Variants in JMY observed in about 807,000 individuals in gnomAD.
JMY encodes the protein junction-mediating and -regulatory protein.
In JMY, 46 loss-of-function variants were observed where a neutral mutation model predicts 103.3. That is an observed-to-expected ratio of 0.45 (90% CI 0.35 to 0.57). The LOEUF (loss-of-function observed/expected upper bound fraction) is 0.57. JMY is among the 20% of genes least tolerant of loss of function. JMY has a pLI of 0.00. For missense variants in JMY, 1,238 were observed against 1,255.2 expected, an observed-to-expected ratio of 0.99 and a Z score of 0.21; for synonymous variants, 526 against 489.3, an observed-to-expected ratio of 1.07 and a Z score of -0.99.
chr5:79,259,678 A>G (rs970436799), intron 1 of JMY, among the ~76,000 whole-genome samples: 2 of 152,178 alleles, frequency 1.3e-5, no homozygotes, highest in Non-Finnish European at 2.9e-5. Context: ...GTGTGTCAGC[A>G]CTGCCCCCGA....
chr5:79,246,406 G>C, intron 1 of JMY, among the ~76,000 whole-genome samples: 1 of 152,134 alleles, frequency 6.6e-6, no homozygotes, highest in East Asian at 1.9e-4. Context: ...ACTTTACAAA[G>C]ATCTTTGTGT....
Position 79,237,077 on chromosome 5 carries a change from C to A in JMY, c.427C>A (p.Pro143Thr), listed in dbSNP as rs779511301. The A allele has an allele frequency of 3.2e-6, 5 of 1,541,156 alleles. No individual in the cohort carries two copies. In the South Asian group the frequency reaches 3.6e-5, roughly 11 times the overall value. The stretch of plus-strand genomic sequence containing the variant: ...AGGGGCGGAGAGTCGTCTTAGGAGC[C>A]CAGTGCGGGCCAAACCCATCCCGGG... Reference protein sequence around the residue: ...SKGAESRLRSPVRAKPIPGQK... With the variant: ...SKGAESRLRSTVRAKPIPGQK... Residue 143 changes from proline to threonine, a missense_variant, in exon 1 of 11, where the codon CCA becomes ACA. Physicochemically the swap from Pro to Thr is conservative, Grantham distance 38. Transcript: ENST00000396137.
At chr5:79,314,153 C>T (rs1747133560) in intron 8 of JMY, 104 bp from the exon 9 acceptor site, 4 of 1,494,898 alleles carry the variant, frequency 2.7e-6, no homozygotes, top group Non-Finnish European at 3.5e-6. Flanking sequence ...GCCACCACAC[C>T]CGGCCACATA....
chr5:79,259,122 C>A (rs1745341731), intron 1 of JMY, among the ~76,000 whole-genome samples: 1 of 152,050 alleles, frequency 6.6e-6, no homozygotes, highest in African/African-American at 2.4e-5. Context: ...GCTGGTTGTC[C>A]CATCATTTCT....
intron 10 of JMY, among the ~76,000 whole-genome samples, chr5:79,318,804 G>GAGAGAGAGAGAGAGA (rs1580377765): frequency 1.9e-4 from 3 of 15,612 alleles, no homozygotes; most frequent in African/African-American, 1.0e-3. Flanking sequence ...AGAGAGAGAG[G>GAGAGAGAGAGAGAGA]GATGCATATC....
chr5:79,239,383 C>T (rs1042343663), intron 1 of JMY, among the ~76,000 whole-genome samples: 1 of 152,170 alleles, frequency 6.6e-6, no homozygotes, highest in Non-Finnish European at 1.5e-5. Context: ...CTGTATTTCT[C>T]TTAAACTGCA....
chr5:79,280,305 G>A (rs1412600681), intron 2 of JMY, among the ~76,000 whole-genome samples: 3 of 152,098 alleles, frequency 2.0e-5, no homozygotes, highest in Admixed American at 2.0e-4. Context: ...TCCAGAATCT[G>A]TACACATTCT....
chr5:79,255,228 C>G (rs1224304974), intron 1 of JMY, among the ~76,000 whole-genome samples: 1 of 151,700 alleles, frequency 6.6e-6, no homozygotes, highest in African/African-American at 2.4e-5. Context: ...TCCTGAGTAC[C>G]TGGGATTACA....
At chr5:79,319,012 A>G (rs759967014) in intron 10 of JMY, among the ~76,000 whole-genome samples, 1 of 152,178 alleles carries the variant, frequency 6.6e-6, no homozygotes, top group Non-Finnish European at 1.5e-5. Flanking sequence ...GGACCTTCAC[A>G]TAAATGTGTG....
At chr5:79,317,059 G>A (rs1052226272) in intron 10 of JMY, among the ~76,000 whole-genome samples, 8 of 115,626 alleles carry the variant, frequency 6.9e-5, no homozygotes, top group Non-Finnish European at 1.4e-4. Flanking sequence ...AAATCAATAC[G>A]TCAATTTTTT....
At chr5:79,251,631 T>TC (rs1282575329) in intron 1 of JMY, among the ~76,000 whole-genome samples, 38 of 152,100 alleles carry the variant, frequency 2.5e-4, no homozygotes, top group Non-Finnish European at 1.2e-4. Flanking sequence ...TTCTATTTTT[T>TC]TTTTTTTTAC....
At chr5:79,271,619 C>G (rs1745784955) in intron 1 of JMY, among the ~76,000 whole-genome samples, 1 of 152,120 alleles carries the variant, frequency 6.6e-6, no homozygotes, top group Admixed American at 6.6e-5. Context: ...ATTTGTGTCT[C>G]ATTTTCTTTT....
intron 4 of JMY, among the ~76,000 whole-genome samples, chr5:79,298,520 C>T (rs532043368): frequency 6.6e-6 from 1 of 152,186 alleles, no homozygotes; most frequent in African/African-American, 2.4e-5. Context: ...ACAAAAACAA[C>T]AGTTCATATT....
intron 1 of JMY, 96 bp downstream of exon 1, chr5:79,237,778 G>A (rs1234497344): frequency 8.9e-7 from 1 of 1,120,156 alleles, no homozygotes. Flanking sequence ...GTGCGCAGTA[G>A]GACGGTTGTT....
At chr5:79,274,099 G>C (rs533133383) in intron 1 of JMY, among the ~76,000 whole-genome samples, 119 of 151,846 alleles carry the variant, frequency 7.8e-4, no homozygotes, top group African/African-American at 2.8e-3. Flanking sequence ...TAAGTGCTGG[G>C]ATTACAGGAG....
chr5:79,238,973 C>T (rs1744650438), intron 1 of JMY, among the ~76,000 whole-genome samples: 1 of 152,058 alleles, frequency 6.6e-6, no homozygotes, highest in African/African-American at 2.4e-5. Context: ...TGAAATGCCC[C>T]TTTTAATGGT....
chr5:79,312,610 A>C (rs988625672), intron 8 of JMY, 112 bp downstream of exon 8: 14 of 488,672 alleles, frequency 2.9e-5, no homozygotes, highest in Non-Finnish European at 4.6e-5. Context: ...TCCCTTATTT[A>C]TAAACTATTA....
rs770330263 is a variant in JMY at position 79,323,089 on chromosome 5, AACAGGC to A, written c.*1491_*1496del. ...AACTTTTTTTATTATTTCAAAACAA[AACAGGC>A]ACATGCCACCATGCCCCAGCTAATT... On this transcript the variant is annotated 3_prime_UTR_variant, in exon 11 of 11. Coordinates refer to ENST00000396137, the MANE Select transcript of JMY (RefSeq NM_152405.5). The A allele has an allele frequency of 6.6e-6, 1 of 152,160 alleles. No homozygotes were observed. The highest frequency in any genetic ancestry group is 1.5e-5 in the Non-Finnish European group (1 of 68,026). 9.4% of individuals were successfully genotyped at this position (152,160 alleles called of 1,614,324 possible).
chr5:79,313,362 T>C (rs1346345314), intron 8 of JMY, among the ~76,000 whole-genome samples: 3 of 152,100 alleles, frequency 2.0e-5, no homozygotes, highest in African/African-American at 7.2e-5. Flanking sequence ...ATGGCTGCAG[T>C]GAGCTGTGAT....
Sources: gnomAD v4.1 joint callset for allele counts (sites outside exome capture counted in the v4.1 genomes callset) on GRCh38, gnomAD v4.1.1 for gene constraint, MANE v1.5 for transcripts, NCBI Gene and HGNC (gene_info 2026-07-23, HGNC 2026-07-21) for gene names.